CLSTN2: variants seen among roughly 807,000 people sequenced by gnomAD.
CLSTN2 encodes calsyntenin 2.
Under a neutral mutation model 101.2 loss-of-function variants are expected in CLSTN2, and 48 were observed. That is an observed-to-expected ratio of 0.47 (90% confidence interval 0.38 to 0.60). CLSTN2 has a LOEUF of 0.60. CLSTN2 is among the 20% of genes least tolerant of loss of function. The pLI, the probability that CLSTN2 is intolerant of heterozygous loss-of-function variation, is 0.00. For missense variants in CLSTN2, 1,160 were observed against 1,238.2 expected (o/e 0.94, Z 0.95); for synonymous variants, 481 against 463.6 (o/e 1.04, Z -0.48).
At chr3:140,315,620 T>G (rs1194951162) in intron 2 of CLSTN2, among the ~76,000 whole-genome samples, 1 of 152,204 alleles carries the variant, frequency 6.6e-6, no homozygotes, top group African/African-American at 2.4e-5. Flanking sequence ...AGTTGAAAAC[T>G]GGTTTTTAAC....
intron 1 of CLSTN2, among the ~76,000 whole-genome samples, chr3:140,035,522 G>C (rs1273418385): frequency 6.6e-6 from 1 of 152,154 alleles, no homozygotes; most frequent in Non-Finnish European, 1.5e-5. Context: ...TGGAATCCAA[G>C]TTCTAAATCT....
chr3:140,092,877 C>T (rs574075132), intron 1 of CLSTN2, among the ~76,000 whole-genome samples: 12 of 152,294 alleles, frequency 7.9e-5, no homozygotes, highest in African/African-American at 1.9e-4. Flanking sequence ...CTGCCTGGCT[C>T]CTCCTACCTC....
intron 1 of CLSTN2, among the ~76,000 whole-genome samples, chr3:140,101,899 C>A (rs1304646135): frequency 6.6e-6 from 1 of 152,214 alleles, no homozygotes; most frequent in Non-Finnish European, 1.5e-5. Context: ...CATGTGACTG[C>A]AACTCAGTTG....
rs1201082343 is a variant in CLSTN2, at chr3:140,556,643, A to G, written c.1805A>G (p.Lys602Arg). Residue 602 changes from lysine (K) to arginine (R), a missense_variant, in exon 11 of 17, where the codon AAA becomes AGA. Physicochemically the swap from Lys to Arg is conservative, Grantham distance 26. Transcript: ENST00000458420. ...CCAACGGCGGGTGTGCGGCGCCTCA[A>G]AGTATCCTCCAAAGTCCAGTGAGTG... is the stretch of plus-strand genomic sequence containing the variant. Reference protein sequence around the residue: ...QFPTAGVRRLKVSSKVQCFGE... With the variant: ...QFPTAGVRRLRVSSKVQCFGE... The G allele has an allele frequency of 1.2e-6, 2 of 1,613,792 alleles. No individual in the cohort carries two copies. Among genetic ancestry groups the G allele is most frequent in the Non-Finnish European group, 1.7e-6 (2 of 1,179,924 alleles).
chr3:140,383,891 C>A (rs948116522), intron 2 of CLSTN2, among the ~76,000 whole-genome samples: 2 of 152,112 alleles, frequency 1.3e-5, no homozygotes, highest in Non-Finnish European at 2.9e-5. Context: ...TCACAATAGG[C>A]AAATTAGGGA....
At chr3:140,164,193 A>G (rs1419576889) in intron 1 of CLSTN2, among the ~76,000 whole-genome samples, 1 of 150,174 alleles carries the variant, frequency 6.7e-6, no homozygotes, top group Non-Finnish European at 1.5e-5. Flanking sequence ...CTTTTTCTGC[A>G]TGGCTCCTGA....
intron 6 of CLSTN2, among the ~76,000 whole-genome samples, chr3:140,452,064 C>T (rs1933265238): frequency 1.3e-5 from 2 of 152,104 alleles, no homozygotes; most frequent in African/African-American, 4.8e-5. Context: ...TCTAAGAAGG[C>T]TCTTGTGTGA....
At chr3:140,096,917 T>G (rs1413780804) in intron 1 of CLSTN2, among the ~76,000 whole-genome samples, 1 of 152,166 alleles carries the variant, frequency 6.6e-6, no homozygotes, top group Non-Finnish European at 1.5e-5. Context: ...ACAGCCTTGG[T>G]GTAGCCCGCT....
chr3:140,004,499 G>A (rs377516440), intron 1 of CLSTN2, among the ~76,000 whole-genome samples: 7 of 152,312 alleles, frequency 4.6e-5, no homozygotes, highest in African/African-American at 1.7e-4. Context: ...GAGCAGCAGG[G>A]AGGATGAACC....
At chr3:140,056,749 A>G (rs1443060753) in intron 1 of CLSTN2, among the ~76,000 whole-genome samples, 1 of 152,218 alleles carries the variant, frequency 6.6e-6, no homozygotes, top group Non-Finnish European at 1.5e-5. Context: ...TCATATTTGG[A>G]GAAATTCAGG....
At chr3:140,240,400 C>T (rs890807808) in intron 2 of CLSTN2, among the ~76,000 whole-genome samples, 2 of 149,652 alleles carry the variant, frequency 1.3e-5, no homozygotes, top group African/African-American at 4.9e-5. Flanking sequence ...CATGGGACAA[C>T]GTGAAAGGAG....
intron 10 of CLSTN2, 123 bp from the exon 11 acceptor site, chr3:140,556,390 C>T: frequency 3.7e-6 from 3 of 818,086 alleles, no homozygotes; most frequent in South Asian, 1.6e-5. Context: ...AACTGTGTCA[C>T]TGGCAGATGC....
At chr3:140,099,664 C>T (rs1343621763) in intron 1 of CLSTN2, among the ~76,000 whole-genome samples, 1 of 152,196 alleles carries the variant, frequency 6.6e-6, no homozygotes, top group Non-Finnish European at 1.5e-5. Flanking sequence ...CCCATAGTCC[C>T]TCTGTCTGCA....
At chr3:140,187,046 A>G (rs2010494981) in intron 2 of CLSTN2, among the ~76,000 whole-genome samples, 2 of 152,212 alleles carry the variant, frequency 1.3e-5, no homozygotes, top group South Asian at 2.1e-4. Flanking sequence ...CCCCAAATCC[A>G]CTGCATGGCC....
At chr3:140,218,249 C>T (rs1315029169) in intron 2 of CLSTN2, among the ~76,000 whole-genome samples, 3 of 152,134 alleles carry the variant, frequency 2.0e-5, no homozygotes, top group Admixed American at 6.6e-5. Context: ...AAAACTCTCC[C>T]GAGCCACTGC....
chr3:140,207,938 C>CAT (rs1054039612), intron 2 of CLSTN2, among the ~76,000 whole-genome samples: 2 of 151,986 alleles, frequency 1.3e-5, no homozygotes, highest in Non-Finnish European at 2.9e-5. Flanking sequence ...GTTTAATATT[C>CAT]ATATATATTT....
At chr3:140,557,751 G>A (rs770368156) in intron 11 of CLSTN2, among the ~76,000 whole-genome samples, 11 of 152,128 alleles carry the variant, frequency 7.2e-5, no homozygotes, top group Non-Finnish European at 1.3e-4. Flanking sequence ...ACCCCACCTA[G>A]CACTCCCAGA....
intron 2 of CLSTN2, among the ~76,000 whole-genome samples, chr3:140,320,845 G>A (rs372828428): frequency 1.3e-5 from 2 of 152,248 alleles, no homozygotes; most frequent in African/African-American, 4.8e-5. Flanking sequence ...CAGCGGCAGT[G>A]AGGGAAGGCA....
At chr3:140,225,620 C>G (rs1369198019) in intron 2 of CLSTN2, among the ~76,000 whole-genome samples, 7 of 152,112 alleles carry the variant, frequency 4.6e-5, no homozygotes, top group Non-Finnish European at 4.4e-5. Context: ...GCCTCAGCCT[C>G]CAGAGTAGCT....
Sources: allele counts gnomAD v4.1 joint callset (sites outside exome capture counted in the v4.1 genomes callset), GRCh38; gene constraint gnomAD v4.1.1; transcripts MANE v1.5; gene names NCBI Gene and HGNC (gene_info 2026-07-23, HGNC 2026-07-21).